Variants in CTBP2 observed in about 807,000 individuals in gnomAD.
CTBP2 encodes the protein C-terminal-binding protein 2.
CTBP2 carries 30 observed loss-of-function variants against 80.3 expected under a neutral mutation model. The observed-to-expected ratio is 0.37, with a 90% CI of 0.28 to 0.51. The LOEUF is 0.51. Ranked by LOEUF, CTBP2 falls within the 20% of genes least tolerant of loss-of-function variation. CTBP2 has a pLI of 0.93. For missense variants in CTBP2, 1,212 were observed against 1,375.3 expected (o/e 0.88, Z 1.88); for synonymous variants, 594 against 587.4 (o/e 1.01, Z -0.16).
chr10:125,105,628 T>C (rs1289469228), intron 2 of CTBP2, among the ~76,000 whole-genome samples: 1 of 152,130 alleles, frequency 6.6e-6, no homozygotes, highest in African/African-American at 2.4e-5. Flanking sequence ...TGAAATGCTG[T>C]GTGTCCTTCC....
chr10:125,006,681 A>G (rs1955284714), intron 1 of CTBP2, among the ~76,000 whole-genome samples: 1 of 152,180 alleles, frequency 6.6e-6, no homozygotes, highest in African/African-American at 2.4e-5. Flanking sequence ...GCTTCTGACC[A>G]TTTGAGCAAG....
chr10:125,031,282 A>G (rs1457328170), upstream of CTBP2, among the ~76,000 whole-genome samples: 1 of 152,046 alleles, frequency 6.6e-6, no homozygotes, highest in Admixed American at 6.5e-5. Context: ...TGATGTCAGG[A>G]GATGGAGACC....
chr10:124,988,719 A>G lies in CTBP2; in HGVS notation c.*799T>C, dbSNP rs1952185286. Reference sequence around the variant, plus strand: ...TCTAAAAAAGTGGGTTTGTTCATAGACAATCTGACAAGTTACCATAAAAAG... The same window carrying G: ...TCTAAAAAAGTGGGTTTGTTCATAGGCAATCTGACAAGTTACCATAAAAAG... On this transcript the variant is annotated 3_prime_UTR_variant, in exon 9 of 9. Transcript: ENST00000309035. 1 of 152,652 alleles carries G rather than the reference A, an allele frequency of 6.6e-6. No individual in the cohort carries two copies. The highest frequency in any genetic ancestry group is 2.1e-4 in the South Asian group (1 of 4,830). The allele number at this position is 152,652 out of a possible 1,614,324, so 9.5% of individuals were successfully genotyped here.
chr10:125,082,430 A>C (rs1847310616), intron 2 of CTBP2, among the ~76,000 whole-genome samples: 1 of 152,192 alleles, frequency 6.6e-6, no homozygotes, highest in South Asian at 2.1e-4. Context: ...TATGTACTGA[A>C]CTTGTACTTC....
chr10:125,097,515 C>T (rs912555946), intron 2 of CTBP2, among the ~76,000 whole-genome samples: 7 of 152,172 alleles, frequency 4.6e-5, no homozygotes, highest in Admixed American at 2.0e-4. Context: ...AGGAAGCCAG[C>T]GCAACCCCCG....
chr10:125,115,999 A>G (rs1322242635), intron 1 of CTBP2, among the ~76,000 whole-genome samples: 3 of 152,158 alleles, frequency 2.0e-5, no homozygotes, highest in East Asian at 1.9e-4. Flanking sequence ...TGCAACATCA[A>G]CTATGACCTC....
At chr10:125,134,911 C>T (rs1310814865) in intron 1 of CTBP2, among the ~76,000 whole-genome samples, 1 of 151,198 alleles carries the variant, frequency 6.6e-6, no homozygotes, top group African/African-American at 2.4e-5. Context: ...CCCCGGTATA[C>T]TCAACCCTCA....
chr10:125,079,642 T>C (rs1396485451), intron 2 of CTBP2, among the ~76,000 whole-genome samples: 1 of 152,216 alleles, frequency 6.6e-6, no homozygotes, highest in Non-Finnish European at 1.5e-5. Context: ...TTATTAATTC[T>C]CCTGTAATGT....
chr10:125,135,312 T>C (rs928870414), intron 1 of CTBP2, among the ~76,000 whole-genome samples: 5 of 152,110 alleles, frequency 3.3e-5, no homozygotes, highest in Non-Finnish European at 5.9e-5. Flanking sequence ...CTCCCACCTT[T>C]GTAGGCCAAG....
intron 2 of CTBP2, among the ~76,000 whole-genome samples, chr10:125,094,669 C>T (rs1046562087): frequency 1.3e-5 from 2 of 152,022 alleles, no homozygotes; most frequent in Non-Finnish European, 2.9e-5. Flanking sequence ...ACACTGGCAT[C>T]GGGTGGGGAG....
rs1380061798 is a variant in CTBP2, at chr10:124,994,390, C to T, written c.2400+79G>A. On this transcript the variant is annotated intron_variant, in intron 5 of 8. Transcript: ENST00000309035. ...GTATCCAGAAACCACCTCCGTTGCCCTCCGTGTCCCTCTTGTGCCCACAAG... is the reference window on the plus strand; with the variant it reads ...GTATCCAGAAACCACCTCCGTTGCCTTCCGTGTCCCTCTTGTGCCCACAAG... The T allele has an allele frequency of 7.8e-6, 11 of 1,415,370 alleles. No homozygotes were observed. The East Asian group carries it at 2.6e-4, about 33-fold the overall frequency. 87.7% of individuals were successfully genotyped at this position (1,415,370 alleles called of 1,614,324 possible). A position where few individuals can be genotyped will look rare whatever the true frequency, so the allele number is the denominator to read the frequency against.
intron 3 of CTBP2, 94 bp downstream of exon 5, chr10:125,002,866 G>A (rs1416967678): frequency 1.5e-5 from 22 of 1,490,116 alleles, no homozygotes; most frequent in East Asian, 7.0e-5. Flanking sequence ...CGGCTGCTCC[G>A]TGGTCCCAGT....
chr10:125,145,358 T>C (rs1216398823), intron 1 of CTBP2, among the ~76,000 whole-genome samples: 1 of 151,952 alleles, frequency 6.6e-6, no homozygotes, highest in Admixed American at 6.5e-5. Flanking sequence ...GGGACGCCCC[T>C]GCTCCAGAAG....
chr10:125,110,762 C>G (rs947754996), intron 2 of CTBP2, among the ~76,000 whole-genome samples: 1 of 152,190 alleles, frequency 6.6e-6, no homozygotes, highest in Non-Finnish European at 1.5e-5. Context: ...AATCACTTTA[C>G]ACTGAACTAT....
chr10:125,108,131 C>A (rs559053696), intron 2 of CTBP2, among the ~76,000 whole-genome samples: 16 of 152,324 alleles, frequency 1.1e-4, no homozygotes, highest in Non-Finnish European at 2.1e-4. Context: ...TAGCAACATA[C>A]AGAACAGATA....
chr10:125,159,699 C>T (rs2133550915), intron 1 of CTBP2, among the ~76,000 whole-genome samples: 1 of 149,546 alleles, frequency 6.7e-6, no homozygotes, highest in South Asian at 2.1e-4. Flanking sequence ...CACGGAACCC[C>T]TCTTCTCCGC....
intron 8 of CTBP2, among the ~76,000 whole-genome samples, chr10:124,990,031 C>G (rs1952383983): frequency 6.6e-6 from 1 of 151,694 alleles, no homozygotes; most frequent in Admixed American, 6.6e-5. Context: ...AGACACCAGG[C>G]CTGGCTAATA....
intron 1 of CTBP2, among the ~76,000 whole-genome samples, chr10:125,136,684 G>A (rs548690503): frequency 1.3e-5 from 2 of 152,308 alleles, no homozygotes; most frequent in South Asian, 4.1e-4. Flanking sequence ...AACCCTTGCA[G>A]AGAATGTGAC....
intron 1 of CTBP2, among the ~76,000 whole-genome samples, chr10:125,135,592 C>T (rs889873217): frequency 2.0e-5 from 3 of 152,242 alleles, no homozygotes; most frequent in African/African-American, 7.2e-5. Context: ...ATCCCAGCCT[C>T]CCTTCATTTC....
Sources: allele counts gnomAD v4.1 joint callset (sites outside exome capture counted in the v4.1 genomes callset), GRCh38; gene constraint gnomAD v4.1.1; transcripts MANE v1.5; gene names NCBI Gene and HGNC (gene_info 2026-07-23, HGNC 2026-07-21).